Variants in RBM26 observed in about 807,000 individuals in gnomAD.
RBM26 encodes the protein RNA binding motif protein 26.
A neutral mutation model predicts 123.6 loss-of-function variants in RBM26; 30 were observed. That is an observed-to-expected ratio of 0.24 (90% confidence interval 0.18 to 0.33). The LOEUF is 0.33. Ranked by LOEUF, RBM26 falls within the 10% of genes least tolerant of loss-of-function variation. RBM26 has a pLI of 1.00. For synonymous variants in RBM26, 400 were observed against 404.4 expected, an observed-to-expected ratio of 0.99 and a Z score of 0.13; for missense variants, 947 against 1,203.6, an observed-to-expected ratio of 0.79 and a Z score of 3.15.
rs148731318 is a variant in RBM26 at position 79,371,930 on chromosome 13, T to G, written c.328A>C (p.Ile110Leu). The G allele has an allele frequency of 2.1e-5, 33 of 1,560,354 alleles. No individual in the cohort carries two copies. The African/African-American group carries it at 4.3e-4, about 20-fold the overall frequency. Residue 110 changes from isoleucine (I) to leucine (L), a missense_variant and splice_region_variant, in exon 4 of 22, where the codon ATC becomes CTC. Coordinates refer to ENST00000438737, the MANE Select transcript of RBM26 (RefSeq NM_001366735.2). Reference protein sequence around the residue: ...HQEKDIKKEEITKEEEREKKF... With the variant: ...HQEKDIKKEELTKEEEREKKF... Reference sequence around the variant, plus strand: ...TTCTCTCGCTCTTCCTCCTTAGTGATCTGATTAAAAAAAAAAAAAAAAGTG... The same window carrying G: ...TTCTCTCGCTCTTCCTCCTTAGTGAGCTGATTAAAAAAAAAAAAAAAAGTG...
Position 79,319,886 on chromosome 13 carries a change from T to A in RBM26, c.*735A>T. 1 of 972,194 alleles carries A rather than the reference T, an allele frequency of 1.0e-6. No individual in the cohort carries two copies. Among genetic ancestry groups the A allele is most frequent in the Non-Finnish European group, 1.2e-6 (1 of 819,324 alleles). The allele number at this position is 972,194 out of a possible 1,614,324, so 60.2% of individuals were successfully genotyped here. ...TAGATCACCATCTGGAATGGTCTATTTTAATTTTTTTCTTTTCTTTTTTCT... is the reference window on the plus strand; with the variant it reads ...TAGATCACCATCTGGAATGGTCTATATTAATTTTTTTCTTTTCTTTTTTCT... On this transcript the variant is annotated 3_prime_UTR_variant, in exon 22 of 22. Transcript: ENST00000438737.
At chr13:79,332,349 G>C (rs1186229052) in intron 20 of RBM26, among the ~76,000 whole-genome samples, 2 of 152,098 alleles carry the variant, frequency 1.3e-5, no homozygotes, top group African/African-American at 4.8e-5. Flanking sequence ...ATAAAAAGTT[G>C]ATACCTCTAT....
At chr13:79,384,589 G>A (rs2140304753) in intron 1 of RBM26, among the ~76,000 whole-genome samples, 1 of 152,210 alleles carries the variant, frequency 6.6e-6, no homozygotes, top group South Asian at 2.1e-4. Context: ...AGTTCAGTTG[G>A]AGACTTCCAG....
intron 20 of RBM26, among the ~76,000 whole-genome samples, chr13:79,331,526 C>A (rs927313010): frequency 2.7e-5 from 4 of 150,388 alleles, no homozygotes; most frequent in African/African-American, 7.3e-5. Context: ...CCCAGCTACT[C>A]GGGAGGCTGA....
At chr13:79,398,369 C>T (rs1054321979) in intron 1 of RBM26, among the ~76,000 whole-genome samples, 1 of 152,014 alleles carries the variant, frequency 6.6e-6, no homozygotes, top group Non-Finnish European at 1.5e-5. Flanking sequence ...GCACTGTCAG[C>T]CAAAGATAAG....
intron 9 of RBM26, among the ~76,000 whole-genome samples, chr13:79,364,455 G>A (rs1488566738): frequency 6.6e-6 from 1 of 152,136 alleles, no homozygotes; most frequent in East Asian, 1.9e-4. Context: ...TTCTGACTAG[G>A]TAAGACAAGA....
intron 1 of RBM26, among the ~76,000 whole-genome samples, chr13:79,400,682 C>G (rs1458490100): frequency 1.3e-5 from 2 of 152,058 alleles, no homozygotes; most frequent in Non-Finnish European, 2.9e-5. Flanking sequence ...GTAAGACTGA[C>G]TTAAGAAAAG....
intron 1 of RBM26, among the ~76,000 whole-genome samples, chr13:79,402,818 G>A (rs886298330): frequency 1.3e-5 from 2 of 151,768 alleles, no homozygotes; most frequent in Admixed American, 1.3e-4. Flanking sequence ...TATCTTTCCT[G>A]CTAAATGGTA....
chr13:79,376,164 T>C (rs1010518081), intron 3 of RBM26: 1 of 152,122 alleles, frequency 6.6e-6, no homozygotes, highest in Non-Finnish European at 1.5e-5. Flanking sequence ...ACATAATGGC[T>C]TGACTGCCAA....
intron 5 of RBM26, 122 bp downstream of exon 5, chr13:79,370,823 G>C (rs1594427526): frequency 2.9e-6 from 3 of 1,052,390 alleles, no homozygotes; most frequent in South Asian, 3.2e-5. Context: ...GCATTCTCTT[G>C]GACCACAGAA....
chr13:79,383,241 T>C (rs143580937), intron 1 of RBM26, among the ~76,000 whole-genome samples: 7 of 152,202 alleles, frequency 4.6e-5, no homozygotes, highest in East Asian at 1.9e-4. Flanking sequence ...TATCAATGAG[T>C]AAAATCATTA....
chr13:79,394,469 T>C (rs1387107129), intron 1 of RBM26, among the ~76,000 whole-genome samples: 1 of 152,160 alleles, frequency 6.6e-6, no homozygotes, highest in East Asian at 1.9e-4. Flanking sequence ...AGTGCCGTTT[T>C]TGGAAGCATA....
At chr13:79,387,332 A>G (rs918294695) in intron 1 of RBM26, among the ~76,000 whole-genome samples, 4 of 152,066 alleles carry the variant, frequency 2.6e-5, no homozygotes, top group Non-Finnish European at 5.9e-5. Context: ...AATATACTTT[A>G]GTTAAATTCT....
At chr13:79,316,876 TC>T (rs1279394567), downstream of RBM26, among the ~76,000 whole-genome samples, 2 of 151,636 alleles carry the variant, frequency 1.3e-5, no homozygotes, top group African/African-American at 4.8e-5. Context: ...CTTTACCAAC[TC>T]CCAACTCAGC....
intron 1 of RBM26, among the ~76,000 whole-genome samples, chr13:79,382,627 T>C (rs1054673411): frequency 2.0e-5 from 3 of 152,056 alleles, no homozygotes; most frequent in Admixed American, 6.6e-5. Context: ...AACTCAACAA[T>C]AGCATTTGTA....
Position 79,366,883 on chromosome 13 carries a change from G to A in RBM26, c.896-11C>T, listed in dbSNP as rs1483829439. On this transcript the variant is annotated splice_polypyrimidine_tract_variant and intron_variant, in intron 6 of 21. Coordinates refer to ENST00000438737, the MANE Select transcript of RBM26 (RefSeq NM_001366735.2). The stretch of plus-strand genomic sequence containing the variant: ...TACAAAAACCCTTTTCTATGAGGAA[G>A]GAATAGTTAGAAACAAATGTCAAAA... 5 of 1,560,144 alleles carry A rather than the reference G, an allele frequency of 3.2e-6. No homozygotes were observed. Among genetic ancestry groups the A allele is most frequent in the South Asian group, 1.2e-5 (1 of 83,890 alleles).
intron 1 of RBM26, among the ~76,000 whole-genome samples, chr13:79,379,127 T>C (rs559519077): frequency 1.1e-4 from 17 of 152,262 alleles, no homozygotes; most frequent in Admixed American, 8.5e-4. Flanking sequence ...CCCATCAGTA[T>C]ATTAGTTTAA....
At chr13:79,373,636 T>C (rs1180854667) in intron 3 of RBM26, among the ~76,000 whole-genome samples, 9 of 85,072 alleles carry the variant, frequency 1.1e-4, no homozygotes, top group Non-Finnish European at 1.6e-4. Context: ...TTACTATATA[T>C]ATTTATATAG....
At position 79,373,411 on chromosome 13, in the gene RBM26, T is replaced by TAAAA. The variant is rs1247151688; in HGVS notation, c.328-1482_328-1481insTTTT. 1.4e-3 allele frequency among the ~76,000 whole-genome samples: 28 copies of TAAAA among 19,336 alleles called. No homozygotes were observed. In the East Asian group the frequency reaches 0.019, roughly 13 times the overall value. The allele number at this position is 19,336 out of a possible 152,430, so 12.7% of individuals were successfully genotyped here. ...AATATATATAATATATATTATATAC[T>TAAAA]ATATATAAATAAAATATAAATATAT... On this transcript the variant is annotated intron_variant, in intron 3 of 21. Coordinates refer to ENST00000438737, the MANE Select transcript of RBM26 (RefSeq NM_001366735.2).
Sources: gnomAD v4.1 joint callset for allele counts (sites outside exome capture counted in the v4.1 genomes callset) on GRCh38, gnomAD v4.1.1 for gene constraint, MANE v1.5 for transcripts, NCBI Gene and HGNC (gene_info 2026-07-23, HGNC 2026-07-21) for gene names.